ALPK3: variants seen among roughly 807,000 people sequenced by gnomAD.
The protein encoded by ALPK3 is alpha-protein kinase 3.
Under a neutral mutation model 140.0 loss-of-function variants are expected in ALPK3, and 102 were observed. The observed-to-expected ratio is 0.73, with a 90% CI of 0.62 to 0.86. ALPK3 has a LOEUF of 0.86. ALPK3 is among the 40% of genes least tolerant of loss of function. The probability of loss-of-function intolerance (pLI) is 0.00; values close to 1 mark genes in which losing one functional copy is unlikely to be tolerated. For missense variants in ALPK3, 2,254 were observed against 2,208.2 expected (o/e 1.02, Z -0.42); for synonymous variants, 938 against 898.5 (o/e 1.04, Z -0.79).
chr15:84,857,584 C>A lies in ALPK3; in HGVS notation c.2846C>A (p.Pro949His). The A allele has an allele frequency of 1.3e-6, 2 of 1,573,252 alleles. No individual in the cohort carries two copies. The highest frequency in any genetic ancestry group is 1.7e-6 in the Non-Finnish European group (2 of 1,158,148). ...VPDVEGRTPGPRSCDPGLIDS... is the reference protein window; with the variant it reads ...VPDVEGRTPGHRSCDPGLIDS... ...GATGTGGAGGGGCGGACCCCAGGTC[C>A]CCGGAGCTGTGACCCTGGCCTCATA... The change falls in exon 6 of 14, where the codon CCC becomes CAC. Residue 949 changes from proline (P) to histidine (H), a missense_variant. Coordinates refer to ENST00000258888, the MANE Select transcript of ALPK3 (RefSeq NM_020778.5).
intron 2 of ALPK3, among the ~76,000 whole-genome samples, chr15:84,825,599 T>C (rs537795219): frequency 6.6e-6 from 1 of 152,298 alleles, no homozygotes; most frequent in East Asian, 1.9e-4. Context: ...GCTTCATACC[T>C]AGGAGCTTAA....
chr15:84,857,730 A>G lies in ALPK3; in HGVS notation c.2992A>G (p.Thr998Ala), dbSNP rs764045645. Residue 998 changes from threonine (T) to alanine (A), a missense_variant, in exon 6 of 14, where the codon ACA becomes GCA. By Grantham distance (58) the Thr-to-Ala change is moderately conservative. Coordinates refer to ENST00000258888, the MANE Select transcript of ALPK3 (RefSeq NM_020778.5). ...TGGLVPSATL[T>A]PTVEVAGLSP... ...AGGTCTGGTGCCCTCAGCCACTCTG[A>G]CACCCACTGTGGAAGTGGCTGGGCT... The G allele has an allele frequency of 1.2e-6, 2 of 1,613,266 alleles. No homozygotes were observed. Among genetic ancestry groups the G allele is most frequent in the Non-Finnish European group, 1.7e-6 (2 of 1,179,636 alleles).
Position 84,856,424 on chromosome 15 carries a change from C to T in ALPK3, c.1686C>T (p.Thr562=), listed in dbSNP as rs772898123. ...AATGCCAGACAACCACGGCTCCTAC[C>T]ATGTCGGCCAGCAGCAGCTCTGATG... The part of the protein sequence containing the change: ...VLECQTTTAP[T]MSASSSSDVA... The change falls in exon 6 of 14, where the codon ACC becomes ACT. Residue 562 remains threonine (T), a synonymous_variant. Transcript: ENST00000258888. 7 of 1,608,774 alleles carry T rather than the reference C, an allele frequency of 4.4e-6. No homozygotes were observed. The highest frequency in any genetic ancestry group is 3.3e-5 in the South Asian group (3 of 89,948).
At chr15:84,849,999 G>GA (rs747151791) in intron 5 of ALPK3, among the ~76,000 whole-genome samples, 1,996 of 72,766 alleles carry the variant, frequency 0.027, 105 homozygotes, top group Admixed American at 0.18. Context: ...GCAAGACTTA[G>GA]AAAAAAAAAA....
At position 84,857,051 on chromosome 15, in the gene ALPK3, C is replaced by T; in HGVS notation, c.2313C>T (p.Cys771=). The change falls in exon 6 of 14, where the codon TGC becomes TGT. Residue 771 remains cysteine, a synonymous_variant. Transcript: ENST00000258888. ...CTTGTTTCCCAAAAAAACCTGGTTG[C>T]CTGCCCAGATCTGAGGAGGCAGTAG... The part of the protein sequence containing the change: ...EGSCFPKKPG[C]LPRSEEAVVT... 2.5e-6 allele frequency: 4 copies of T among 1,614,166 alleles called. No homozygotes were observed. Among genetic ancestry groups the T allele is most frequent in the Non-Finnish European group, 3.4e-6 (4 of 1,180,028 alleles).
intron 5 of ALPK3, among the ~76,000 whole-genome samples, chr15:84,856,119 G>A (rs1963857215): frequency 6.6e-6 from 1 of 152,192 alleles, no homozygotes; most frequent in Admixed American, 6.5e-5. Context: ...ATTTCTTCAG[G>A]AAGAGGTGGA....
intron 2 of ALPK3, among the ~76,000 whole-genome samples, chr15:84,825,191 T>A (rs942704414): frequency 1.2e-4 from 19 of 152,236 alleles, no homozygotes; most frequent in Middle Eastern, 3.4e-3. Context: ...TATTATTATT[T>A]TTTTTTTGAG....
chr15:84,817,686 C>A, intron 1 of ALPK3, 91 bp downstream of exon 1: 1 of 1,342,786 alleles, frequency 7.4e-7, no homozygotes, highest in Admixed American at 3.7e-5. Flanking sequence ...GAGGCCTGGG[C>A]TGGGCCTGCG....
chr15:84,825,826 T>G (rs1963479897), intron 2 of ALPK3, among the ~76,000 whole-genome samples: 2 of 152,224 alleles, frequency 1.3e-5, no homozygotes, highest in Admixed American at 1.3e-4. Context: ...TTTCAGATAT[T>G]AACACTTCCT....
chr15:84,865,236 C>T (rs1963990295), intron 12 of ALPK3, among the ~76,000 whole-genome samples: 1 of 152,194 alleles, frequency 6.6e-6, no homozygotes, highest in East Asian at 1.9e-4. Flanking sequence ...CTTCAACCAG[C>T]TCTCTGCAGG....
At chr15:84,834,706 G>A (rs1345433681) in intron 3 of ALPK3, among the ~76,000 whole-genome samples, 2 of 152,244 alleles carry the variant, frequency 1.3e-5, no homozygotes, top group Non-Finnish European at 2.9e-5. Context: ...TCTGCTGGCT[G>A]TGAAACAGAG....
At chr15:84,843,362 G>GCCT (rs1363605182) in intron 5 of ALPK3, among the ~76,000 whole-genome samples, 8 of 152,214 alleles carry the variant, frequency 5.3e-5, no homozygotes, top group African/African-American at 1.9e-4. Context: ...TGACCACTTG[G>GCCT]GTGGCTGAGG....
At chr15:84,860,929 C>G (rs1013201709) in intron 9 of ALPK3, among the ~76,000 whole-genome samples, 1 of 152,230 alleles carries the variant, frequency 6.6e-6, no homozygotes, top group Admixed American at 6.5e-5. Flanking sequence ...ACTATGTTGG[C>G]AGGTCTGGTC....
chr15:84,863,536 G>T lies in ALPK3; in HGVS notation c.4411-16G>T, dbSNP rs1282285363. The T allele has an allele frequency of 1.2e-6, 2 of 1,612,380 alleles. No individual in the cohort carries two copies. Among genetic ancestry groups the T allele is most frequent in the Admixed American group, 3.3e-5 (2 of 59,930 alleles). On this transcript the variant is annotated splice_polypyrimidine_tract_variant and intron_variant, in intron 10 of 13. Transcript: ENST00000258888. Reference sequence around the variant, plus strand: ...GGAATTTCTTTGCTCACCACATTTGGTTCCCTCATCCACAGGGGTGCAAGA... The same window carrying T: ...GGAATTTCTTTGCTCACCACATTTGTTTCCCTCATCCACAGGGGTGCAAGA...
At chr15:84,861,254 T>C (rs1344148255) in intron 9 of ALPK3, among the ~76,000 whole-genome samples, 1 of 152,250 alleles carries the variant, frequency 6.6e-6, no homozygotes, top group Non-Finnish European at 1.5e-5. Flanking sequence ...GTCACTGGTA[T>C]AGAATTTCTA....
At position 84,858,057 on chromosome 15, in the gene ALPK3, C is replaced by G. The variant is rs767926913; in HGVS notation, c.3319C>G (p.Gln1107Glu). 1.3e-4 allele frequency: 199 copies of G among 1,569,680 alleles called. 1 individual carries two copies. The highest frequency in any genetic ancestry group is 1.6e-4 in the Non-Finnish European group (189 of 1,160,986). The stretch of plus-strand genomic sequence containing the variant: ...GGGGCCTGGCCTCCTGGGGGCCTCT[C>G]AGGAGAGCAGCATGGCTGGTCGACT... Reference protein sequence around the residue: ...PEGPGLLGASQESSMAGRLGE... With the variant: ...PEGPGLLGASEESSMAGRLGE... The change falls in exon 6 of 14, where the codon CAG (glutamine) becomes GAG (glutamate). Residue 1107 changes from glutamine (Q) to glutamate (E), a missense_variant. Gln to Glu is a conservative substitution (Grantham distance 29, BLOSUM62 2). This residue lies in a region of ALPK3 where 2,088 missense variants were observed against 2,022.9 expected (regional missense o/e 1.03). Coordinates refer to ENST00000258888, the MANE Select transcript of ALPK3 (RefSeq NM_020778.5).
chr15:84,849,636 A>T (rs889124729), intron 5 of ALPK3, among the ~76,000 whole-genome samples: 18 of 152,224 alleles, frequency 1.2e-4, no homozygotes, highest in African/African-American at 4.3e-4. Context: ...AAACACTTTT[A>T]AATTAAAGAA....
At chr15:84,853,249 C>T (rs913731698) in intron 5 of ALPK3, among the ~76,000 whole-genome samples, 1 of 152,160 alleles carries the variant, frequency 6.6e-6, no homozygotes, top group African/African-American at 2.4e-5. Flanking sequence ...ATTGCTGTTT[C>T]TTGGCACCAA....
At chr15:84,824,539 A>T (rs1440905974) in intron 2 of ALPK3, among the ~76,000 whole-genome samples, 1 of 152,232 alleles carries the variant, frequency 6.6e-6, no homozygotes, top group East Asian at 1.9e-4. Flanking sequence ...ATTAGCAACT[A>T]CTATGTCCAT....
Sources: gnomAD v4.1 joint callset for allele counts (sites outside exome capture counted in the v4.1 genomes callset) on GRCh38, gnomAD v4.1.1 for gene constraint, gnomAD v4.1.1 regional missense constraint, MANE v1.5 for transcripts, NCBI Gene and HGNC (gene_info 2026-07-23, HGNC 2026-07-21) for gene names.